The following RAB11FIP2 variants were observed in gnomAD, a reference collection of about 807,000 sequenced individuals.
The protein encoded by RAB11FIP2 is RAB11 family interacting protein 2, also known as rab11 family-interacting protein 2.
Under a neutral mutation model 40.9 loss-of-function variants are expected in RAB11FIP2, and 16 were observed. The observed-to-expected ratio is 0.39, with a 90% CI of 0.26 to 0.59. The LOEUF (loss-of-function observed/expected upper bound fraction) is 0.59. Among genes scored for constraint, RAB11FIP2 ranks in the 20% least tolerant of loss-of-function variants. The pLI, the probability that RAB11FIP2 is intolerant of heterozygous loss-of-function variation, is 0.53. For synonymous variants in RAB11FIP2, 228 were observed against 213.7 expected (o/e 1.07, Z -0.58); for missense variants, 532 against 606.2 (o/e 0.88, Z 1.28).
rs545004234 is a variant in RAB11FIP2 at position 118,031,088 on chromosome 10, A to G, written c.1265+7884T>C. Among the ~76,000 whole-genome samples the G allele has an allele frequency of 1.6e-4, 25 of 152,266 alleles. No homozygotes were observed. The East Asian group carries it at 4.8e-3, about 29-fold the overall frequency. On this transcript the variant is annotated intron_variant, in intron 3 of 4. Transcript: ENST00000355624. The stretch of plus-strand genomic sequence containing the variant: ...CTTCTGTCTCATAAATGAAGCCACA[A>G]ATTTTCAAGTGTGTAAAAGATTTAT...
rs1846120819 is a variant in RAB11FIP2 at position 118,008,522 on chromosome 10, T to TATTCATGTACATATGTGTATATAAA, written c.*451_*475dup. ...TATACAAGATACATGAATATATATA[T>TATTCATGTACATATGTGTATATAAA]ATTCATGTACATATGTGTATATAAA... On this transcript the variant is annotated 3_prime_UTR_variant, in exon 5 of 5. Transcript: ENST00000355624. The TATTCATGTACATATGTGTATATAAA allele has an allele frequency of 6.2e-6, 1 of 162,076 alleles. No homozygotes were observed. The highest frequency in any genetic ancestry group is 1.4e-5 in the Non-Finnish European group (1 of 72,632). The allele number at this position is 162,076 out of a possible 1,614,324, so 10.0% of individuals were successfully genotyped here.
intron 1 of RAB11FIP2, chr10:118,045,257 C>CT (rs36046098): frequency 2.0e-4 from 30 of 148,954 alleles, no homozygotes; most frequent in South Asian, 4.2e-4. Context: ...ACTTTTAAAA[C>CT]TTTTTTTTTT....
intron 3 of RAB11FIP2, among the ~76,000 whole-genome samples, chr10:118,016,015 A>G (rs1011545285): frequency 6.6e-6 from 1 of 152,232 alleles, no homozygotes; most frequent in Non-Finnish European, 1.5e-5. Flanking sequence ...AGATTTAAGA[A>G]ATTTACTTTT....
rs1846639064 is a variant in RAB11FIP2, at chr10:118,046,409, C to A, written c.-246G>T. On this transcript the variant is annotated 5_prime_UTR_variant, in exon 1 of 5. Transcript: ENST00000355624. ...CCCACCATCACCTGGCCGCGCCGTGCAGGCCTCTGCGCGGACCCCCGCCCC... is the reference window on the plus strand; with the variant it reads ...CCCACCATCACCTGGCCGCGCCGTGAAGGCCTCTGCGCGGACCCCCGCCCC... 1.6e-5 allele frequency: 8 copies of A among 511,160 alleles called. No homozygotes were observed. The South Asian group carries it at 2.1e-4, about 14-fold the overall frequency. The allele number at this position is 511,160 out of a possible 1,614,324, so 31.7% of individuals were successfully genotyped here.
In RAB11FIP2 at chr10:118,006,290, T is replaced by C. The variant is rs1425368541; in HGVS notation, c.*2708A>G. On this transcript the variant is annotated 3_prime_UTR_variant, in exon 5 of 5. Transcript: ENST00000355624. The stretch of plus-strand genomic sequence containing the variant: ...AATTATGTAACAGAAGTACATTAGC[T>C]TAAGATAGTCTTGAGATAAATATCA... 1 of 152,616 alleles carries C rather than the reference T, an allele frequency of 6.6e-6. No individual in the cohort carries two copies. The allele number at this position is 152,616 out of a possible 1,614,324, so 9.5% of individuals were successfully genotyped here.
At chr10:118,044,614 T>G (rs940224837) in intron 1 of RAB11FIP2, among the ~76,000 whole-genome samples, 1 of 152,102 alleles carries the variant, frequency 6.6e-6, no homozygotes, top group Non-Finnish European at 1.5e-5. Flanking sequence ...ATTTCTGATC[T>G]CTCTACACTT....
chr10:118,029,296 T>C (rs1023687883), intron 3 of RAB11FIP2, among the ~76,000 whole-genome samples: 3 of 152,018 alleles, frequency 2.0e-5, no homozygotes, highest in Admixed American at 6.6e-5. Flanking sequence ...GTTCCCTTCT[T>C]CTCCCTCCTC....
intron 3 of RAB11FIP2, among the ~76,000 whole-genome samples, chr10:118,029,767 C>G (rs1846391158): frequency 6.6e-6 from 1 of 151,974 alleles, no homozygotes; most frequent in African/African-American, 2.4e-5. Context: ...TAGAGTATAA[C>G]ATGTTCTTAA....
chr10:118,005,714 A>G lies in RAB11FIP2; in HGVS notation c.*3284T>C, dbSNP rs1484255110. Reference sequence around the variant, plus strand: ...AGCTACAGAGGAAAATAAAAGCTCTAGTGTAACATTTACTGTAGATATATT... The same window carrying G: ...AGCTACAGAGGAAAATAAAAGCTCTGGTGTAACATTTACTGTAGATATATT... On this transcript the variant is annotated 3_prime_UTR_variant, in exon 5 of 5. Coordinates refer to ENST00000355624, the MANE Select transcript of RAB11FIP2 (RefSeq NM_014904.3). 1 of 152,192 alleles carries G rather than the reference A, an allele frequency of 6.6e-6. No homozygotes were observed. The allele number at this position is 152,192 out of a possible 1,614,324, so 9.4% of individuals were successfully genotyped here. A position where few individuals can be genotyped will look rare whatever the true frequency, so the allele number is the denominator to read the frequency against.
Position 118,046,841 on chromosome 10 carries a change from G to A in RAB11FIP2, c.-678C>T, listed in dbSNP as rs1846651976. 6.6e-6 allele frequency: 1 copy of A among 152,584 alleles called. No homozygotes were observed. Among genetic ancestry groups the A allele is most frequent in the East Asian group, 1.9e-4 (1 of 5,174 alleles). The allele number at this position is 152,584 out of a possible 1,614,324, so 9.5% of individuals were successfully genotyped here. On this transcript the variant is annotated 5_prime_UTR_variant, in exon 1 of 5. Coordinates refer to ENST00000355624, the MANE Select transcript of RAB11FIP2 (RefSeq NM_014904.3). ...CGGGCAGCGGGCTGCAGGGCTGCGG[G>A]CGCTTGGTTCGGCCTGGCCCGGCCG...
At position 118,042,645 on chromosome 10, in the gene RAB11FIP2, A is replaced by G. The variant is rs545995629; in HGVS notation, c.354-2080T>C. Among the ~76,000 whole-genome samples, 3 of 152,270 alleles carry G rather than the reference A, an allele frequency of 2.0e-5. No homozygotes were observed. In the East Asian group the frequency reaches 5.8e-4, roughly 29 times the overall value. ...CTGGAAGGCAGTCTGCCTTGCATTA[A>G]ATGTTTATTCAATTTTTATTTCTAG... On this transcript the variant is annotated intron_variant, in intron 1 of 4. Transcript: ENST00000355624.
Position 118,039,362 on chromosome 10 carries a change from T to C in RAB11FIP2, c.875A>G (p.Glu292Gly), listed in dbSNP as rs749128214. ...KMNQPDSIVD[E>G]GELCFGRQND... The stretch of plus-strand genomic sequence containing the variant: ...TTGTCTTCCGAAACACAATTCACCT[T>C]CATCCACAATGCTGTCAGGTTGGTT... The change falls in exon 3 of 5, where the codon GAA becomes GGA. Residue 292 changes from glutamate to glycine, a missense_variant. By Grantham distance (98) the Glu-to-Gly change is moderately conservative. Coordinates refer to ENST00000355624, the MANE Select transcript of RAB11FIP2 (RefSeq NM_014904.3). The C allele has an allele frequency of 1.9e-6, 3 of 1,613,620 alleles. No homozygotes were observed. The highest frequency in any genetic ancestry group is 2.5e-6 in the Non-Finnish European group (3 of 1,179,636).
At chr10:118,010,161 A>G (rs538908931) in intron 4 of RAB11FIP2, among the ~76,000 whole-genome samples, 2 of 152,290 alleles carry the variant, frequency 1.3e-5, no homozygotes, top group African/African-American at 4.8e-5. Flanking sequence ...TCTTTTATTT[A>G]TAGTGTATAG....
At chr10:118,040,960 G>T (rs532495920) in intron 1 of RAB11FIP2, among the ~76,000 whole-genome samples, 3 of 152,042 alleles carry the variant, frequency 2.0e-5, no homozygotes, top group African/African-American at 7.2e-5. Flanking sequence ...CAGAGATTTT[G>T]AAAGAATTCA....
chr10:118,036,057 G>A (rs573410388), intron 3 of RAB11FIP2, among the ~76,000 whole-genome samples: 69 of 151,872 alleles, frequency 4.5e-4, no homozygotes, highest in Middle Eastern at 3.4e-3. Context: ...TTAACACTAA[G>A]GAATAAAAAG....
chr10:118,007,975 A>T lies in RAB11FIP2; in HGVS notation c.*1023T>A. 1 of 152,508 alleles carries T rather than the reference A, an allele frequency of 6.6e-6. No homozygotes were observed. Among genetic ancestry groups the T allele is most frequent in the Non-Finnish European group, 1.5e-5 (1 of 67,992 alleles). 9.4% of individuals were successfully genotyped at this position (152,508 alleles called of 1,614,324 possible). ...CCAAGCCTAATTCTTCATTCCTGGA[A>T]TCTGCCCGCTGCTTTGGGTTATCAG... On this transcript the variant is annotated 3_prime_UTR_variant, in exon 5 of 5. Transcript: ENST00000355624.
intron 3 of RAB11FIP2, chr10:118,033,955 GCAGA>G (rs1332137860): frequency 1.4e-6 from 1 of 701,552 alleles, no homozygotes; most frequent in Admixed American, 2.0e-5. Flanking sequence ...CCACTTGCAT[GCAGA>G]GACCCAGGCT....
At position 118,046,425 on chromosome 10, in the gene RAB11FIP2, C is replaced by G. The variant is rs1846639500; in HGVS notation, c.-262G>C. On this transcript the variant is annotated 5_prime_UTR_variant, in exon 1 of 5. Transcript: ENST00000355624. ...CGCGCCGTGCAGGCCTCTGCGCGGACCCCCGCCCCTGTCTCCACCTTCCCC... is the reference window on the plus strand; with the variant it reads ...CGCGCCGTGCAGGCCTCTGCGCGGAGCCCCGCCCCTGTCTCCACCTTCCCC... 6 of 436,386 alleles carry G rather than the reference C, an allele frequency of 1.4e-5. No homozygotes were observed. The Admixed American group carries it at 2.4e-4, about 17-fold the overall frequency. The allele number at this position is 436,386 out of a possible 1,614,324, so 27.0% of individuals were successfully genotyped here.
In RAB11FIP2 at chr10:118,019,916, G is replaced by A. The variant is rs577196987; in HGVS notation, c.1266-4806C>T. 5.9e-5 allele frequency among the ~76,000 whole-genome samples: 9 copies of A among 151,764 alleles called. No homozygotes were observed. In the East Asian group the frequency reaches 9.7e-4, roughly 16 times the overall value. On this transcript the variant is annotated intron_variant, in intron 3 of 4. Coordinates refer to ENST00000355624, the MANE Select transcript of RAB11FIP2 (RefSeq NM_014904.3). Reference sequence around the variant, plus strand: ...TGACATAATATAACAAAAATCTTCAGTGAGTCTAAAAGGAGGAAAAGAGAA... The same window carrying A: ...TGACATAATATAACAAAAATCTTCAATGAGTCTAAAAGGAGGAAAAGAGAA...
Sources: gnomAD v4.1 joint callset for allele counts (sites outside exome capture counted in the v4.1 genomes callset) on GRCh38, gnomAD v4.1.1 for gene constraint, MANE v1.5 for transcripts, NCBI Gene and HGNC (gene_info 2026-07-23, HGNC 2026-07-21) for gene names.